Variants in DPP6 observed in about 807,000 individuals in gnomAD.
The protein encoded by DPP6 is A-type potassium channel modulatory protein DPP6.
In DPP6, 69 loss-of-function variants were observed where a neutral mutation model predicts 122.6. The observed-to-expected ratio is 0.56, with a 90% CI of 0.46 to 0.69. The LOEUF (loss-of-function observed/expected upper bound fraction) is 0.69. Ranked by LOEUF, DPP6 falls within the 30% of genes least tolerant of loss-of-function variation. The pLI, the probability that DPP6 is intolerant of heterozygous loss-of-function variation, is 0.00. For missense variants in DPP6, 928 were observed against 1,116.9 expected, an observed-to-expected ratio of 0.83 and a Z score of 2.41; for synonymous variants, 418 against 433.1, an observed-to-expected ratio of 0.97 and a Z score of 0.43.
At chr7:153,861,511 A>T in the DPP6 span, among the ~76,000 whole-genome samples, 2 of 152,198 alleles carry the variant, frequency 1.3e-5, no homozygotes, top group African/African-American at 4.8e-5. Context: ...GGTAAATAGG[A>T]GTGGGAGAAC....
intron 2 of DPP6, among the ~76,000 whole-genome samples, chr7:154,459,974 C>CTTTTTTTTTT (rs71184004): frequency 1.7e-5 from 1 of 58,566 alleles, no homozygotes; most frequent in Non-Finnish European, 2.9e-5. Context: ...TATTCATGTG[C>CTTTTTTTTTT]TTTTTTTTTT....
chr7:154,791,424 G>C (rs952290036), intron 10 of DPP6, among the ~76,000 whole-genome samples: 1 of 152,124 alleles, frequency 6.6e-6, no homozygotes, highest in Non-Finnish European at 1.5e-5. Flanking sequence ...GCAGGCAAGA[G>C]AGCGTGTGCA....
chr7:153,991,823 A>G (rs908553274), intron 1 of DPP6, among the ~76,000 whole-genome samples: 1 of 151,844 alleles, frequency 6.6e-6, no homozygotes, highest in Non-Finnish European at 1.5e-5. Context: ...GTCCTTCCCC[A>G]CAACTACTCT....
chr7:154,037,106 C>T (rs1356731066), intron 1 of DPP6, among the ~76,000 whole-genome samples: 2 of 152,138 alleles, frequency 1.3e-5, no homozygotes, highest in Non-Finnish European at 2.9e-5. Context: ...TTGAAAATCT[C>T]TAGACTCAGT....
chr7:153,893,796 G>A (rs186767414), intron 1 of DPP6, among the ~76,000 whole-genome samples: 37 of 152,322 alleles, frequency 2.4e-4, no homozygotes, highest in Admixed American at 2.2e-3. Flanking sequence ...TATGTCTGAA[G>A]AACAAAGACG....
chr7:153,927,062 A>T (rs1469597324), intron 1 of DPP6, among the ~76,000 whole-genome samples: 2 of 151,836 alleles, frequency 1.3e-5, no homozygotes, highest in African/African-American at 2.4e-5. Context: ...TTATGCCTGT[A>T]ATCACTTTGG....
At chr7:154,313,714 T>TATATATATATATTCATAA (rs1177234778) in intron 1 of DPP6, among the ~76,000 whole-genome samples, 1 of 17,786 alleles carries the variant, frequency 5.6e-5, no homozygotes, top group Non-Finnish European at 1.2e-4. Context: ...TATATATATA[T>TATATATATATATTCATAA]ACACACACAC....
At chr7:153,801,378 G>T in the DPP6 span, among the ~76,000 whole-genome samples, 6 of 151,792 alleles carry the variant, frequency 4.0e-5, no homozygotes, top group Non-Finnish European at 8.8e-5. Flanking sequence ...CATGCTCCAC[G>T]TTCCTCATTA....
At chr7:153,832,019 T>C in the DPP6 span, among the ~76,000 whole-genome samples, 1 of 152,188 alleles carries the variant, frequency 6.6e-6, no homozygotes, top group Non-Finnish European at 1.5e-5. Context: ...GGAATGCTGT[T>C]TAGGAGGCTA....
Position 154,282,964 on chromosome 7 carries a change from C to T in DPP6, c.244-163250C>T, listed in dbSNP as rs1227940522. On this transcript the variant is annotated intron_variant, in intron 1 of 25. Transcript: ENST00000377770. The surrounding 1 kb of genome is among the most constrained non-coding windows in gnomAD (Gnocchi z 4.8). ...TAGCTCTGGACTCAAGGGCATCAGA[C>T]ATCAGAACACGTCTCTCTCTGGACT... Among the ~76,000 whole-genome samples, 1 of 152,136 alleles carries T rather than the reference C, an allele frequency of 6.6e-6. No homozygotes were observed. Among genetic ancestry groups the T allele is most frequent in the Non-Finnish European group, 1.5e-5 (1 of 68,026 alleles).
chr7:153,856,536 A>G, the DPP6 span, among the ~76,000 whole-genome samples: 158 of 152,352 alleles, frequency 1.0e-3, no homozygotes, highest in Non-Finnish European at 1.7e-3. Context: ...GGTATTGGCT[A>G]TGATCAAGAG....
At chr7:153,842,674 T>C in the DPP6 span, among the ~76,000 whole-genome samples, 1 of 152,218 alleles carries the variant, frequency 6.6e-6, no homozygotes. Flanking sequence ...GCTTAATTTT[T>C]TTCCAAATGA....
intron 1 of DPP6, among the ~76,000 whole-genome samples, chr7:154,063,295 C>CAG (rs1802327555): frequency 1.5e-5 from 2 of 131,588 alleles, no homozygotes; most frequent in Non-Finnish European, 1.7e-5. Flanking sequence ...GAGGGACCCC[C>CAG]CATGAGGCGG....
At chr7:154,528,688 A>T (rs1405660517) in intron 3 of DPP6, among the ~76,000 whole-genome samples, 1 of 152,256 alleles carries the variant, frequency 6.6e-6, no homozygotes, top group Non-Finnish European at 1.5e-5. Flanking sequence ...TATTACAAAC[A>T]AATAACTCTA....
the DPP6 span, among the ~76,000 whole-genome samples, chr7:153,836,345 G>A: frequency 1.3e-5 from 2 of 152,076 alleles, no homozygotes; most frequent in East Asian, 3.9e-4. Flanking sequence ...TTGTACGTGG[G>A]GTGGGGGTAC....
At chr7:154,124,303 G>C (rs1015160094) in intron 1 of DPP6, among the ~76,000 whole-genome samples, 15 of 152,200 alleles carry the variant, frequency 9.9e-5, no homozygotes, top group Non-Finnish European at 1.9e-4. Flanking sequence ...CTGAAGCAGA[G>C]TGTAAGGGAT....
At chr7:154,859,554 C>T (rs1316958601) in intron 17 of DPP6, among the ~76,000 whole-genome samples, 1 of 152,258 alleles carries the variant, frequency 6.6e-6, no homozygotes, top group Non-Finnish European at 1.5e-5. Context: ...CTCCTCTCCC[C>T]CACTGACCCC....
chr7:154,131,273 T>C (rs557493155), intron 1 of DPP6, among the ~76,000 whole-genome samples: 220 of 152,352 alleles, frequency 1.4e-3, no homozygotes, highest in African/African-American at 4.8e-3. Flanking sequence ...GGGTGTGATA[T>C]GCAGTTTTAG....
intron 2 of DPP6, among the ~76,000 whole-genome samples, chr7:154,464,477 TC>T (rs1821615094): frequency 6.6e-6 from 1 of 152,248 alleles, no homozygotes; most frequent in Admixed American, 6.5e-5. Flanking sequence ...CAATTGGTGT[TC>T]CTATAGAGAG....
Sources: allele counts gnomAD v4.1 joint callset (sites outside exome capture counted in the v4.1 genomes callset), GRCh38; gene constraint gnomAD v4.1.1; non-coding constraint Gnocchi (gnomAD v3.1); transcripts MANE v1.5; gene names NCBI Gene and HGNC (gene_info 2026-07-23, HGNC 2026-07-21).